SRBD1: variants seen among roughly 807,000 people sequenced by gnomAD.
SRBD1 encodes S1 RNA-binding domain-containing protein 1.
SRBD1 carries 88 observed loss-of-function variants against 115.3 expected under a neutral mutation model. That is an observed-to-expected ratio of 0.76 (90% CI 0.64 to 0.91). The LOEUF is 0.91. Among genes scored for constraint, SRBD1 ranks in the 40% least tolerant of loss-of-function variants. SRBD1 has a pLI of 0.00. For missense variants in SRBD1, 1,385 were observed against 1,177.4 expected (o/e 1.18, Z -2.58); for synonymous variants, 509 against 407.7 (o/e 1.25, Z -2.99).
At chr2:45,513,855 G>A (rs778867997) in intron 14 of SRBD1, among the ~76,000 whole-genome samples, 27 of 152,054 alleles carry the variant, frequency 1.8e-4, no homozygotes, top group Non-Finnish European at 3.4e-4. Flanking sequence ...ATTAAAGGAT[G>A]CTAAAGACAA....
chr2:45,438,447 G>A (rs1483091265), intron 16 of SRBD1, among the ~76,000 whole-genome samples: 1 of 152,190 alleles, frequency 6.6e-6, no homozygotes, highest in Non-Finnish European at 1.5e-5. Context: ...GTTGGAAACA[G>A]CAGACAAGAA....
intron 16 of SRBD1, among the ~76,000 whole-genome samples, chr2:45,420,965 G>C (rs545314484): frequency 3.0e-4 from 46 of 152,200 alleles, no homozygotes; most frequent in Non-Finnish European, 3.1e-4. Context: ...AGCACTATCT[G>C]AATCTTAACA....
chr2:45,516,299 G>C (rs1418244383), intron 14 of SRBD1, among the ~76,000 whole-genome samples: 1 of 152,142 alleles, frequency 6.6e-6, no homozygotes, highest in Admixed American at 6.6e-5. Context: ...AGCAGCAGCT[G>C]GAGCTGTTTT....
At chr2:45,414,447 T>C (rs906412944) in intron 18 of SRBD1, among the ~76,000 whole-genome samples, 3 of 148,560 alleles carry the variant, frequency 2.0e-5, no homozygotes, top group African/African-American at 7.6e-5. Context: ...CTATATAGTA[T>C]ATATGTAGTA....
intron 4 of SRBD1, among the ~76,000 whole-genome samples, chr2:45,596,737 G>A (rs1443249220): frequency 6.6e-6 from 1 of 152,112 alleles, no homozygotes; most frequent in Non-Finnish European, 1.5e-5. Context: ...TAAGTATTAT[G>A]ATCCCTTGTC....
chr2:45,477,084 AC>A lies in SRBD1; in HGVS notation c.1967-10del. On this transcript the variant is annotated splice_polypyrimidine_tract_variant and intron_variant, in intron 15 of 20. Transcript: ENST00000263736. ...ACGCCTTGCTATGGAAACTGAAAAA[AC>A]AGAATCAGAAAACAAGTATGACTTA... is the stretch of plus-strand genomic sequence containing the variant. 1 of 1,611,918 alleles carries A rather than the reference AC, an allele frequency of 6.2e-7. No individual in the cohort carries two copies. Among genetic ancestry groups the A allele is most frequent in the Non-Finnish European group, 8.5e-7 (1 of 1,178,794 alleles).
At chr2:45,489,422 C>T (rs565201254) in intron 14 of SRBD1, among the ~76,000 whole-genome samples, 2 of 152,178 alleles carry the variant, frequency 1.3e-5, no homozygotes, top group East Asian at 1.9e-4. Flanking sequence ...GTTTGCTATC[C>T]CCATCTTTGG....
chr2:45,545,315 A>AAAAAAAAAAAAAAC (rs1209226372), intron 14 of SRBD1, among the ~76,000 whole-genome samples: 10 of 123,618 alleles, frequency 8.1e-5, no homozygotes, highest in East Asian at 7.5e-4. Flanking sequence ...AAAAAAAAAA[A>AAAAAAAAAAAAAAC]CAGATGAACC....
intron 19 of SRBD1, among the ~76,000 whole-genome samples, chr2:45,410,404 G>C (rs1371909172): frequency 6.6e-6 from 1 of 152,086 alleles, no homozygotes; most frequent in African/African-American, 2.4e-5. Context: ...GAAAACAAAG[G>C]TCAAAGACAA....
At chr2:45,591,072 A>G (rs1673707324) in intron 4 of SRBD1, among the ~76,000 whole-genome samples, 1 of 152,110 alleles carries the variant, frequency 6.6e-6, no homozygotes, top group Admixed American at 6.5e-5. Flanking sequence ...ATGTCTTCAT[A>G]GCAGTGTGAA....
intron 5 of SRBD1, among the ~76,000 whole-genome samples, chr2:45,582,276 G>C (rs1350456327): frequency 6.6e-6 from 1 of 152,132 alleles, no homozygotes; most frequent in Admixed American, 6.6e-5. Flanking sequence ...CCTGCAGCTT[G>C]GGTTTCTCTG....
intron 14 of SRBD1, among the ~76,000 whole-genome samples, chr2:45,489,137 T>G (rs897225414): frequency 6.6e-6 from 1 of 152,222 alleles, no homozygotes; most frequent in African/African-American, 2.4e-5. Context: ...AATTTTTACA[T>G]TAGAGTTCTC....
At chr2:45,491,571 T>A (rs999319713) in intron 14 of SRBD1, among the ~76,000 whole-genome samples, 5 of 152,210 alleles carry the variant, frequency 3.3e-5, no homozygotes, top group South Asian at 2.1e-4. Flanking sequence ...GCTTTAGATA[T>A]AAGAAAGTAC....
chr2:45,446,241 G>A (rs1668820834), intron 16 of SRBD1, among the ~76,000 whole-genome samples: 1 of 152,142 alleles, frequency 6.6e-6, no homozygotes. Context: ...CCATGGGAAC[G>A]ACAGCATAAG....
chr2:45,507,327 A>T (rs1670828076), intron 14 of SRBD1, among the ~76,000 whole-genome samples: 1 of 152,180 alleles, frequency 6.6e-6, no homozygotes, highest in South Asian at 2.1e-4. Flanking sequence ...CTTAAATGTC[A>T]CTTGGCTAAT....
chr2:45,577,017 G>A (rs1673199823), intron 7 of SRBD1, among the ~76,000 whole-genome samples: 1 of 152,070 alleles, frequency 6.6e-6, no homozygotes, highest in South Asian at 2.1e-4. Flanking sequence ...CCAGGTACTT[G>A]TTAAAACTAT....
chr2:45,415,964 G>A (rs753403530), intron 18 of SRBD1, among the ~76,000 whole-genome samples: 2 of 151,960 alleles, frequency 1.3e-5, no homozygotes, highest in Non-Finnish European at 2.9e-5. Context: ...ACCAATTTAA[G>A]GATGATCATA....
chr2:45,593,887 G>A (rs1264538445), intron 4 of SRBD1, among the ~76,000 whole-genome samples: 2 of 152,152 alleles, frequency 1.3e-5, no homozygotes, highest in African/African-American at 4.8e-5. Context: ...GACAGAAGGA[G>A]GAATTGGAAA....
chr2:45,467,239 A>G (rs1338863351), intron 16 of SRBD1, among the ~76,000 whole-genome samples: 1 of 152,194 alleles, frequency 6.6e-6, no homozygotes, highest in Non-Finnish European at 1.5e-5. Flanking sequence ...ATTACATGTG[A>G]ATTTTAAGAA....
Sources: gnomAD v4.1 joint callset for allele counts (sites outside exome capture counted in the v4.1 genomes callset) on GRCh38, gnomAD v4.1.1 for gene constraint, MANE v1.5 for transcripts, NCBI Gene and HGNC (gene_info 2026-07-23, HGNC 2026-07-21) for gene names.